TBC1D22A: variants seen among roughly 807,000 people sequenced by gnomAD.
TBC1D22A encodes the protein putative GTPase activator.
Under a neutral mutation model 60.2 loss-of-function variants are expected in TBC1D22A, and 38 were observed. That is an observed-to-expected ratio of 0.63 (90% CI 0.49 to 0.83). The LOEUF is 0.83. Among genes scored for constraint, TBC1D22A ranks in the 40% least tolerant of loss-of-function variants. The pLI is 0.00. For synonymous variants in TBC1D22A, 302 were observed against 281.7 expected (o/e 1.07, Z -0.72); for missense variants, 628 against 701.0 (o/e 0.90, Z 1.18).
At chr22:47,120,770 C>A (rs2066243801) in intron 12 of TBC1D22A, among the ~76,000 whole-genome samples, 1 of 152,232 alleles carries the variant, frequency 6.6e-6, no homozygotes, top group African/African-American at 2.4e-5. Context: ...AAATTCCTGA[C>A]CCCAGCTCAC....
chr22:47,076,873 G>A (rs1169668620), intron 11 of TBC1D22A, among the ~76,000 whole-genome samples: 1 of 152,148 alleles, frequency 6.6e-6, no homozygotes, highest in African/African-American at 2.4e-5. Context: ...CACACATCTT[G>A]ATGCTCTGAT....
At chr22:47,052,000 T>G (rs2063239157) in intron 11 of TBC1D22A, among the ~76,000 whole-genome samples, 1 of 152,168 alleles carries the variant, frequency 6.6e-6, no homozygotes, top group African/African-American at 2.4e-5. Flanking sequence ...TCTGTGAGTG[T>G]GGACAGAAAG....
chr22:47,157,282 T>C lies in TBC1D22A; in HGVS notation c.1426-16216T>C, dbSNP rs114007783. Among the ~76,000 whole-genome samples, 537 of 152,338 alleles carry C rather than the reference T, an allele frequency of 3.5e-3. 3 individuals carry two copies. Among genetic ancestry groups the C allele is most frequent in the African/African-American group, 0.012 (510 of 41,574 alleles). On this transcript the variant is annotated intron_variant, in intron 12 of 12. Transcript: ENST00000337137. ...AAACCACTCCGGGCATGTGAAGCCC[T>C]GTGGGACAGAGCTGCACTATCCTGC...
intron 5 of TBC1D22A, among the ~76,000 whole-genome samples, chr22:46,881,045 C>T (rs1217863768): frequency 1.3e-5 from 2 of 151,940 alleles, no homozygotes; most frequent in Non-Finnish European, 1.5e-5. Flanking sequence ...GCCATGAGAG[C>T]TGGGGCACAC....
chr22:47,082,099 A>C (rs1450531912), intron 11 of TBC1D22A, among the ~76,000 whole-genome samples: 1 of 152,194 alleles, frequency 6.6e-6, no homozygotes, highest in Admixed American at 6.5e-5. Context: ...TGGAGGTTGC[A>C]GTGAGCCAAG....
rs140263898 is a variant in TBC1D22A at position 46,919,436 on chromosome 22, C to T, written c.1015+7248C>T. 3.7e-3 allele frequency among the ~76,000 whole-genome samples: 564 copies of T among 152,258 alleles called. 2 individuals carry two copies. The highest frequency in any genetic ancestry group is 0.013 in the African/African-American group (534 of 41,548). ...GAACATTTGGATTGTTTTCATTTTTCGACTAATATTGTTTCCATTTTTGAC... is the reference window on the plus strand; with the variant it reads ...GAACATTTGGATTGTTTTCATTTTTTGACTAATATTGTTTCCATTTTTGAC... On this transcript the variant is annotated intron_variant, in intron 8 of 12. Transcript: ENST00000337137.
chr22:47,057,731 T>C (rs1254216168), intron 11 of TBC1D22A, among the ~76,000 whole-genome samples: 1 of 152,174 alleles, frequency 6.6e-6, no homozygotes, highest in African/African-American at 2.4e-5. Context: ...ATCGCGAGAA[T>C]AGCACAGGAA....
chr22:46,965,572 C>G (rs1219823268), intron 8 of TBC1D22A, among the ~76,000 whole-genome samples: 3 of 152,238 alleles, frequency 2.0e-5, no homozygotes, highest in Non-Finnish European at 4.4e-5. Flanking sequence ...CCTTGTGCTT[C>G]AGAGGGTCTG....
At chr22:46,800,074 G>A (rs1329409922) in intron 4 of TBC1D22A, among the ~76,000 whole-genome samples, 3 of 152,148 alleles carry the variant, frequency 2.0e-5, no homozygotes, top group Admixed American at 6.5e-5. Flanking sequence ...TTCCCATGGC[G>A]TACGTGGAGA....
intron 9 of TBC1D22A, among the ~76,000 whole-genome samples, chr22:46,989,483 C>G (rs1399083352): frequency 6.6e-6 from 1 of 152,094 alleles, no homozygotes. Flanking sequence ...TTGACTTAAC[C>G]CATTGTAGGG....
intron 9 of TBC1D22A, among the ~76,000 whole-genome samples, chr22:46,985,952 AT>A (rs1215983765): frequency 6.6e-6 from 1 of 152,010 alleles, no homozygotes; most frequent in African/African-American, 2.4e-5. Context: ...CGAATTTATC[AT>A]TTTTTTTCTT....
chr22:47,103,102 C>A (rs777037774), intron 11 of TBC1D22A, among the ~76,000 whole-genome samples: 1 of 152,170 alleles, frequency 6.6e-6, no homozygotes, highest in Non-Finnish European at 1.5e-5. Flanking sequence ...TTCTCAGTGC[C>A]GAGCTTCCAT....
chr22:46,876,423 C>T (rs564261656), intron 4 of TBC1D22A, among the ~76,000 whole-genome samples: 80 of 152,336 alleles, frequency 5.3e-4, no homozygotes, highest in African/African-American at 1.8e-3. Flanking sequence ...ATAAATCGTT[C>T]TATTACAGAG....
intron 11 of TBC1D22A, among the ~76,000 whole-genome samples, chr22:47,082,928 T>C (rs1196205933): frequency 6.6e-6 from 1 of 152,218 alleles, no homozygotes; most frequent in Non-Finnish European, 1.5e-5. Context: ...GCTTTATTCA[T>C]ACCAGCCAAA....
At chr22:46,897,736 C>T (rs2068763796) in intron 7 of TBC1D22A, among the ~76,000 whole-genome samples, 2 of 146,380 alleles carry the variant, frequency 1.4e-5, no homozygotes, top group African/African-American at 2.6e-5. Flanking sequence ...TCCTGCCTGA[C>T]GTGTTTTATT....
At chr22:46,900,157 T>TC (rs1387750364) in intron 7 of TBC1D22A, among the ~76,000 whole-genome samples, 14 of 151,802 alleles carry the variant, frequency 9.2e-5, no homozygotes, top group East Asian at 5.8e-4. Context: ...TGGTTTTTTT[T>TC]TTTTTTTTTG....
At chr22:46,964,704 G>T (rs968575411) in intron 8 of TBC1D22A, among the ~76,000 whole-genome samples, 3 of 152,190 alleles carry the variant, frequency 2.0e-5, no homozygotes, top group African/African-American at 7.2e-5. Context: ...TACCTGATTT[G>T]TGTGGTCCAT....
chr22:47,025,149 G>A (rs2062213766), intron 10 of TBC1D22A, among the ~76,000 whole-genome samples: 2 of 152,214 alleles, frequency 1.3e-5, no homozygotes, highest in South Asian at 4.1e-4. Context: ...GAAATGGACA[G>A]AGACACAGTC....
At chr22:46,906,779 C>CTGTGTGTGTGTGTGTGTGTGTG (rs148450942) in intron 7 of TBC1D22A, among the ~76,000 whole-genome samples, 3 of 149,080 alleles carry the variant, frequency 2.0e-5, no homozygotes, top group African/African-American at 7.4e-5. Flanking sequence ...GGACCCTGAA[C>CTGTGTGTGTGTGTGTGTGTGTG]TGTGTGTGTG....
Sources: allele counts gnomAD v4.1 joint callset (sites outside exome capture counted in the v4.1 genomes callset), GRCh38; gene constraint gnomAD v4.1.1; transcripts MANE v1.5; gene names NCBI Gene and HGNC (gene_info 2026-07-23, HGNC 2026-07-21).